MARCHF1: variants seen among roughly 807,000 people sequenced by gnomAD.
MARCHF1 encodes the protein E3 ubiquitin-protein ligase MARCHF1.
In MARCHF1, 40 loss-of-function variants were observed where a neutral mutation model predicts 54.2. The ratio of observed to expected loss-of-function variants is 0.74; its 90% CI spans 0.57 to 0.96. The LOEUF (loss-of-function observed/expected upper bound fraction) is 0.96. Among genes scored for constraint, MARCHF1 ranks in the 40% least tolerant of loss-of-function variants. The pLI is 0.00. For missense variants in MARCHF1, 586 were observed against 656.5 expected, an observed-to-expected ratio of 0.89 and a Z score of 1.17; for synonymous variants, 236 against 236.3, an observed-to-expected ratio of 1.00 and a Z score of 0.01.
chr4:164,256,872 A>G (rs1716731708), intron 1 of MARCHF1, among the ~76,000 whole-genome samples: 1 of 152,214 alleles, frequency 6.6e-6, no homozygotes, highest in African/African-American at 2.4e-5. Context: ...GTAATACCAT[A>G]TCACTGATTA....
intron 8 of MARCHF1, among the ~76,000 whole-genome samples, chr4:163,546,113 A>G (rs1197914108): frequency 1.3e-5 from 2 of 152,012 alleles, no homozygotes; most frequent in African/African-American, 4.8e-5. Flanking sequence ...AGCTGGGACT[A>G]TGGGTATGTA....
chr4:164,261,013 G>A (rs1460034928), intron 1 of MARCHF1, among the ~76,000 whole-genome samples: 1 of 152,120 alleles, frequency 6.6e-6, no homozygotes, highest in African/African-American at 2.4e-5. Flanking sequence ...AATCCACTGT[G>A]ACTGTGTCCT....
chr4:163,994,758 C>CACACAA (rs1553968526), intron 2 of MARCHF1, among the ~76,000 whole-genome samples: 10 of 126,144 alleles, frequency 7.9e-5, no homozygotes, highest in African/African-American at 2.4e-4. Flanking sequence ...CACACACACA[C>CACACAA]ACACACACAC....
At position 164,200,864 on chromosome 4, in the gene MARCHF1, C is replaced by T. The variant is rs114908749; in HGVS notation, c.-322-89202G>A. ...GGTGAATGGTTGGAAGATCTTCCTG[C>T]GAGGGTGATGACTGAGCTAAGATCT... On this transcript the variant is annotated intron_variant, in intron 1 of 9. Transcript: ENST00000514618. Among the ~76,000 whole-genome samples the T allele has an allele frequency of 1.3e-3, 205 of 152,026 alleles. 1 individual carries two copies. The highest frequency in any genetic ancestry group is 4.2e-3 in the African/African-American group (173 of 41,472).
chr4:164,003,323 T>A (rs557082461), intron 2 of MARCHF1, among the ~76,000 whole-genome samples: 46 of 152,006 alleles, frequency 3.0e-4, no homozygotes, highest in Admixed American at 2.6e-3. Flanking sequence ...GCAGGATAGA[T>A]TTCATATCAA....
At chr4:164,194,900 G>A (rs1731212749) in intron 1 of MARCHF1, among the ~76,000 whole-genome samples, 3 of 151,860 alleles carry the variant, frequency 2.0e-5, no homozygotes, top group East Asian at 1.9e-4. Context: ...CCATCAACCC[G>A]TCATCTACGT....
chr4:164,054,186 A>G (rs1314860997), intron 2 of MARCHF1, among the ~76,000 whole-genome samples: 1 of 151,738 alleles, frequency 6.6e-6, no homozygotes, highest in Non-Finnish European at 1.5e-5. Flanking sequence ...GCTCACCATC[A>G]CTGGCCATCA....
intron 1 of MARCHF1, among the ~76,000 whole-genome samples, chr4:164,149,373 T>G (rs955742065): frequency 1.3e-5 from 2 of 152,172 alleles, no homozygotes; most frequent in Admixed American, 1.3e-4. Flanking sequence ...ATGTAAATTC[T>G]TATTAAATCC....
intron 3 of MARCHF1, among the ~76,000 whole-genome samples, chr4:163,963,388 G>T (rs144259276): frequency 6.6e-6 from 1 of 151,786 alleles, no homozygotes; most frequent in Non-Finnish European, 1.5e-5. Context: ...AATGACATAG[G>T]AATTGAAAAC....
chr4:164,197,719 GCTCT>G lies in MARCHF1; in HGVS notation c.-322-86061_-322-86058del, dbSNP rs761051687. 1,695 of 1,611,570 alleles carry G rather than the reference GCTCT, an allele frequency of 1.1e-3. 2 individuals are homozygous for G. The highest frequency in any genetic ancestry group is 1.4e-3 in the Non-Finnish European group (1,600 of 1,178,390). Reference sequence around the variant, plus strand: ...CCGTCTGCCCATCTCCATCTCTCGCGCTCTCTGTCTGCAGAGGCTCTCGTGCCAG... The same window carrying G: ...CCGTCTGCCCATCTCCATCTCTCGCGCTGTCTGCAGAGGCTCTCGTGCCAG... On this transcript the variant is annotated intron_variant, in intron 1 of 9. Transcript: ENST00000514618.
chr4:164,195,890 T>TA (rs59513334), intron 1 of MARCHF1, among the ~76,000 whole-genome samples: 1 of 151,980 alleles, frequency 6.6e-6, no homozygotes, highest in Admixed American at 6.6e-5. Context: ...TATTGGGACT[T>TA]AAAAAATGAT....
At chr4:164,109,996 T>C (rs1409002547) in intron 2 of MARCHF1, among the ~76,000 whole-genome samples, 1 of 151,022 alleles carries the variant, frequency 6.6e-6, no homozygotes, top group Non-Finnish European at 1.5e-5. Context: ...CAGATCTCTT[T>C]GCCATTGTTC....
At chr4:164,120,731 A>T (rs564033823) in intron 1 of MARCHF1, among the ~76,000 whole-genome samples, 3 of 152,294 alleles carry the variant, frequency 2.0e-5, no homozygotes, top group African/African-American at 7.2e-5. Context: ...CTCCCGAATG[A>T]CCAGTGGGTC....
chr4:164,313,879 C>T (rs1479036878), intron 1 of MARCHF1, among the ~76,000 whole-genome samples: 1 of 152,142 alleles, frequency 6.6e-6, no homozygotes, highest in Non-Finnish European at 1.5e-5. Flanking sequence ...TTCTCAAATC[C>T]ATGACTTCTA....
chr4:163,733,239 ATACACGTG>A (rs1400103926), intron 4 of MARCHF1, among the ~76,000 whole-genome samples: 5 of 72,666 alleles, frequency 6.9e-5, no homozygotes, highest in African/African-American at 2.3e-4. Context: ...ATATATATAT[ATACACGTG>A]TATATATATA....
chr4:163,837,873 A>C (rs974693094), intron 4 of MARCHF1, among the ~76,000 whole-genome samples: 6 of 152,154 alleles, frequency 3.9e-5, no homozygotes, highest in South Asian at 2.1e-4. Context: ...ACACATGGAA[A>C]ATTTACCAAA....
At chr4:164,187,147 G>A (rs1164824069) in intron 1 of MARCHF1, among the ~76,000 whole-genome samples, 2 of 151,802 alleles carry the variant, frequency 1.3e-5, no homozygotes, top group Non-Finnish European at 2.9e-5. Flanking sequence ...CCAAGAATTT[G>A]GTATTTCTGC....
chr4:163,624,259 C>CA (rs940581130), intron 5 of MARCHF1, among the ~76,000 whole-genome samples: 1 of 152,096 alleles, frequency 6.6e-6, no homozygotes, highest in Non-Finnish European at 1.5e-5. Flanking sequence ...AGTGTAGCCC[C>CA]AAGTGCAGAG....
At chr4:164,277,623 G>T (rs542845397) in intron 1 of MARCHF1, among the ~76,000 whole-genome samples, 91 of 152,310 alleles carry the variant, frequency 6.0e-4, no homozygotes, top group African/African-American at 2.0e-3. Context: ...CTCAGCAGGA[G>T]GCCCATTCTC....
Sources: allele counts gnomAD v4.1 joint callset (sites outside exome capture counted in the v4.1 genomes callset), GRCh38; gene constraint gnomAD v4.1.1; transcripts MANE v1.5; gene names NCBI Gene and HGNC (gene_info 2026-07-23, HGNC 2026-07-21).